The following NAALADL2 variants were observed in gnomAD, a reference collection of about 807,000 sequenced individuals.
The protein encoded by NAALADL2 is N-acetylated alpha-linked acidic dipeptidase like 2, also known as inactive N-acetylated-alpha-linked acidic dipeptidase-like protein 2.
NAALADL2 carries 76 observed loss-of-function variants against 87.2 expected under a neutral mutation model. The ratio of observed to expected loss-of-function variants is 0.87; its 90% confidence interval spans 0.72 to 1.05. NAALADL2 has a LOEUF of 1.05. Among genes scored for constraint, NAALADL2 ranks in the 50% least tolerant of loss-of-function variants. NAALADL2 has a pLI of 0.00. For missense variants in NAALADL2, 1,089 were observed against 945.8 expected (o/e 1.15, Z -1.99); for synonymous variants, 354 against 331.0 (o/e 1.07, Z -0.75).
intron 6 of NAALADL2, among the ~76,000 whole-genome samples, chr3:175,451,456 C>T (rs1264408809): frequency 3.9e-5 from 6 of 152,054 alleles, no homozygotes; most frequent in Admixed American, 2.0e-4. Context: ...TCTTTGTAGA[C>T]CTGACCCATT....
intron 3 of NAALADL2, among the ~76,000 whole-genome samples, chr3:174,785,002 A>C (rs1282426995): frequency 6.6e-6 from 1 of 152,102 alleles, no homozygotes; most frequent in Non-Finnish European, 1.5e-5. Context: ...TGTCCTTTTT[A>C]ATTTAATTTT....
intron 1 of NAALADL2, among the ~76,000 whole-genome samples, chr3:174,506,514 A>T (rs2108379874): frequency 6.6e-6 from 1 of 152,272 alleles, no homozygotes; most frequent in South Asian, 2.1e-4. Context: ...TGCATTAAAA[A>T]TGCTGTCTGT....
intron 3 of NAALADL2, among the ~76,000 whole-genome samples, chr3:174,815,227 G>C (rs1206422209): frequency 6.6e-6 from 1 of 152,070 alleles, no homozygotes; most frequent in Non-Finnish European, 1.5e-5. Flanking sequence ...AGACTGGGTG[G>C]CTTAAACAAC....
At chr3:175,025,118 C>A (rs2108883107) in intron 1 of NAALADL2, among the ~76,000 whole-genome samples, 1 of 152,088 alleles carries the variant, frequency 6.6e-6, no homozygotes, top group South Asian at 2.1e-4. Context: ...TTTAGATATT[C>A]AAGCTATAAT....
At chr3:174,878,507 C>G (rs1728797143) in intron 1 of NAALADL2, among the ~76,000 whole-genome samples, 1 of 152,076 alleles carries the variant, frequency 6.6e-6, no homozygotes, top group Non-Finnish European at 1.5e-5. Context: ...GCTTTTAAAA[C>G]TACCTTAATT....
chr3:175,759,799 AG>A (rs778485231), intron 13 of NAALADL2, among the ~76,000 whole-genome samples: 90 of 152,196 alleles, frequency 5.9e-4, no homozygotes, highest in South Asian at 1.0e-3. Context: ...TCGAGAGTGA[AG>A]TACAAAAGGT....
At chr3:175,626,336 T>C (rs1726979522) in intron 10 of NAALADL2, among the ~76,000 whole-genome samples, 2 of 151,984 alleles carry the variant, frequency 1.3e-5, no homozygotes, top group Admixed American at 6.6e-5. Context: ...TGAAAATATG[T>C]CCATGTCAAT....
intron 9 of NAALADL2, among the ~76,000 whole-genome samples, chr3:175,532,684 G>A (rs543328437): frequency 2.0e-5 from 3 of 152,270 alleles, no homozygotes; most frequent in South Asian, 2.1e-4. Context: ...TGTCCATTAC[G>A]GTGGCTACAC....
At chr3:174,452,773 A>C (rs1212103933) in intron 1 of NAALADL2, among the ~76,000 whole-genome samples, 1 of 152,012 alleles carries the variant, frequency 6.6e-6, no homozygotes, top group East Asian at 1.9e-4. Flanking sequence ...AAAAAAAAAA[A>C]CTCATTCAAA....
chr3:175,696,395 C>T (rs990871878), intron 11 of NAALADL2, among the ~76,000 whole-genome samples: 1 of 152,054 alleles, frequency 6.6e-6, no homozygotes, highest in Non-Finnish European at 1.5e-5. Context: ...GATTTCTTTT[C>T]CTTCCAGCTT....
chr3:174,859,265 G>T (rs776075766), upstream of NAALADL2: 110 of 641,282 alleles, frequency 1.7e-4, no homozygotes, highest in Non-Finnish European at 2.7e-4. Context: ...GGTAACTCAG[G>T]AAGCAGAATG....
chr3:174,707,501 A>G (rs2108902620), intron 2 of NAALADL2, among the ~76,000 whole-genome samples: 1 of 152,240 alleles, frequency 6.6e-6, no homozygotes, highest in African/African-American at 2.4e-5. Context: ...TTGTAGCGAC[A>G]TGGATGAAGC....
intron 10 of NAALADL2, among the ~76,000 whole-genome samples, chr3:175,599,057 A>T (rs529395151): frequency 7.2e-5 from 11 of 152,184 alleles, no homozygotes; most frequent in African/African-American, 2.4e-4. Context: ...TCTTTGTTAT[A>T]CTCTTCATGG....
rs539022141 is a variant in NAALADL2, at chr3:174,723,613, G to A, written c.-114-14028G>A. ...TGCTAAAAATACAAAACAATTAGCC[G>A]GGCATGGTGGCGGGCGCCTGTAGTC... On this transcript the variant is annotated intron_variant, in intron 2 of 3. Transcript: ENST00000434257. Among the ~76,000 whole-genome samples the A allele has an allele frequency of 4.6e-5, 7 of 151,896 alleles. No homozygotes were observed. In the South Asian group the frequency reaches 1.5e-3, roughly 32 times the overall value.
At chr3:175,465,179 G>A (rs1233805552) in intron 7 of NAALADL2, among the ~76,000 whole-genome samples, 2 of 151,210 alleles carry the variant, frequency 1.3e-5, no homozygotes, top group Admixed American at 6.6e-5. Context: ...GTGAACCCGG[G>A]AGGCGGAGCT....
At chr3:174,486,805 G>A (rs967764223) in intron 1 of NAALADL2, among the ~76,000 whole-genome samples, 1 of 151,914 alleles carries the variant, frequency 6.6e-6, no homozygotes, top group African/African-American at 2.4e-5. Context: ...TTAGCCACTT[G>A]TGGTGGACAT....
chr3:175,093,261 C>T lies in NAALADL2; in HGVS notation c.44-3529C>T, dbSNP rs76226031. ...ATTTGAAGCTTCTGATAAAAAGAAA[C>T]GTGATATGTTTTTGTCTCACAGGGC... On this transcript the variant is annotated intron_variant, in intron 1 of 13. Transcript: ENST00000454872. Among the ~76,000 whole-genome samples, 703 of 151,422 alleles carry T rather than the reference C, an allele frequency of 4.6e-3. 4 individuals carry two copies. The highest frequency in any genetic ancestry group is 0.016 in the African/African-American group (655 of 41,440).
At chr3:175,765,760 T>G (rs1172293000) in intron 13 of NAALADL2, among the ~76,000 whole-genome samples, 2 of 152,112 alleles carry the variant, frequency 1.3e-5, no homozygotes, top group African/African-American at 2.4e-5. Context: ...ACAACAATAC[T>G]TTCCATAGAG....
intron 2 of NAALADL2, among the ~76,000 whole-genome samples, chr3:174,581,450 C>G (rs543706719): frequency 6.6e-6 from 1 of 151,824 alleles, no homozygotes; most frequent in South Asian, 2.1e-4. Flanking sequence ...AATGTCCATG[C>G]GTTCAAGAGC....
Sources: gnomAD v4.1 joint callset for allele counts (sites outside exome capture counted in the v4.1 genomes callset) on GRCh38, gnomAD v4.1.1 for gene constraint, MANE v1.5 for transcripts, NCBI Gene and HGNC (gene_info 2026-07-23, HGNC 2026-07-21) for gene names.